ABL2: variants seen among roughly 807,000 people sequenced by gnomAD.
The protein encoded by ABL2 is tyrosine-protein kinase ABL2.
In ABL2, 49 loss-of-function variants were observed where a neutral mutation model predicts 107.7. That is an observed-to-expected ratio of 0.45 (90% CI 0.36 to 0.58). ABL2 has a LOEUF of 0.58. Ranked by LOEUF, ABL2 falls within the 20% of genes least tolerant of loss-of-function variation. The pLI, the probability that ABL2 is intolerant of heterozygous loss-of-function variation, is 0.00. For synonymous variants in ABL2, 549 were observed against 548.6 expected (o/e 1.00, Z -0.01); for missense variants, 1,245 against 1,457.0 (o/e 0.85, Z 2.37).
Position 179,229,252 on chromosome 1 carries a change from A to C in ABL2, c.146T>G (p.Phe49Cys), listed in dbSNP as rs1663409786. 2 of 1,349,830 alleles carry C rather than the reference A, an allele frequency of 1.5e-6. No homozygotes were observed. The highest frequency in any genetic ancestry group is 1.9e-6 in the Non-Finnish European group (2 of 1,027,412). The allele number at this position is 1,349,830 out of a possible 1,614,324, so 83.6% of individuals were successfully genotyped here. Residue 49 changes from phenylalanine (F) to cysteine (C), a missense_variant, in exon 1 of 12, where the codon TTC becomes TGC. By Grantham distance (205) the Phe-to-Cys change is radical. Transcript: ENST00000502732. ...CCAGACACACTCACCATGCTGGGTG[A>C]AGATATTGAAGCCGGTCTCTGTGGT... ...GRTTETGFNIFTQHDHFASCV... is the reference protein window; with the variant it reads ...GRTTETGFNICTQHDHFASCV...
At chr1:179,135,669 T>C (rs1572675638) in intron 1 of ABL2, among the ~76,000 whole-genome samples, 2 of 129,416 alleles carry the variant, frequency 1.5e-5, no homozygotes, top group South Asian at 2.7e-4. Context: ...GCCCCCCGCC[T>C]GGCCAGCCGC....
At chr1:179,115,635 T>C (rs1475960103) in intron 8 of ABL2, among the ~76,000 whole-genome samples, 3 of 152,060 alleles carry the variant, frequency 2.0e-5, no homozygotes, top group Non-Finnish European at 2.9e-5. Flanking sequence ...AAAAAAAGAT[T>C]ATATATCCAG....
chr1:179,101,948 T>C lies in ABL2; in HGVS notation c.*5770A>G, dbSNP rs1446071516. ...AGCAAGTAACAATAACTATTACTAC[T>C]GGCTTGCTGGAAAAAAGAAAAAAAA... On this transcript the variant is annotated 3_prime_UTR_variant, in exon 12 of 12. Transcript: ENST00000502732. 6.2e-6 allele frequency: 1 copy of C among 162,360 alleles called. No individual in the cohort carries two copies. Among genetic ancestry groups the C allele is most frequent in the East Asian group, 1.2e-4 (1 of 8,070 alleles). 10.1% of individuals were successfully genotyped at this position (162,360 alleles called of 1,614,324 possible). A position where few individuals can be genotyped will look rare whatever the true frequency, so the allele number is the denominator to read the frequency against.
chr1:179,166,858 T>C (rs1220180206), intron 1 of ABL2, among the ~76,000 whole-genome samples: 1 of 151,480 alleles, frequency 6.6e-6, no homozygotes, highest in East Asian at 1.9e-4. Context: ...TGAGATATTA[T>C]GTTACCCCAC....
At chr1:179,214,519 C>CATATACATAT (rs1446121890) in intron 1 of ABL2, among the ~76,000 whole-genome samples, 17 of 122,148 alleles carry the variant, frequency 1.4e-4, no homozygotes, top group Middle Eastern at 8.8e-3. Context: ...TTTAAAATGA[C>CATATACATAT]ATATATATAT....
Position 179,101,586 on chromosome 1 carries a change from G to C in ABL2, c.*6132C>G. The C allele has an allele frequency of 5.8e-6, 1 of 173,486 alleles. No homozygotes were observed. The highest frequency in any genetic ancestry group is 1.2e-5 in the Non-Finnish European group (1 of 80,346). 10.7% of individuals were successfully genotyped at this position (173,486 alleles called of 1,614,324 possible). A position where few individuals can be genotyped will look rare whatever the true frequency, so the allele number is the denominator to read the frequency against. Reference sequence around the variant, plus strand: ...GGGTTTCACCATGTTGGCCAGGCTGGTCTCAAACTCCTGACCTCAAGTGAT... The same window carrying C: ...GGGTTTCACCATGTTGGCCAGGCTGCTCTCAAACTCCTGACCTCAAGTGAT... On this transcript the variant is annotated 3_prime_UTR_variant, in exon 12 of 12. Coordinates refer to ENST00000502732, the MANE Select transcript of ABL2 (RefSeq NM_007314.4).
chr1:179,176,478 G>GT (rs2102787261), intron 1 of ABL2, among the ~76,000 whole-genome samples: 1 of 150,204 alleles, frequency 6.7e-6, no homozygotes, highest in Admixed American at 6.6e-5. Context: ...TATACACTAT[G>GT]TACCCACAAA....
intron 10 of ABL2, chr1:179,110,686 G>A: frequency 6.3e-7 from 1 of 1,580,808 alleles, no homozygotes; most frequent in East Asian, 2.2e-5. Flanking sequence ...TGTGTAGCAT[G>A]CCAACGTGTG....
intron 1 of ABL2, among the ~76,000 whole-genome samples, chr1:179,187,178 T>C (rs991525549): frequency 6.6e-6 from 1 of 152,206 alleles, no homozygotes; most frequent in Non-Finnish European, 1.5e-5. Flanking sequence ...TATTAGGAGT[T>C]CTGAGATCCT....
chr1:179,110,749 A>C, intron 10 of ABL2: 1 of 1,613,738 alleles, frequency 6.2e-7, no homozygotes, highest in Non-Finnish European at 8.5e-7. Flanking sequence ...GGTTGTTTCC[A>C]GTTTGGAGTT....
At chr1:179,132,012 T>C (rs1656376865) in intron 2 of ABL2, among the ~76,000 whole-genome samples, 2 of 152,244 alleles carry the variant, frequency 1.3e-5, no homozygotes, top group African/African-American at 2.4e-5. Flanking sequence ...AGGCCCTCTA[T>C]TTAAGTATAG....
At chr1:179,161,866 G>A (rs566748031) in intron 1 of ABL2, among the ~76,000 whole-genome samples, 2 of 152,252 alleles carry the variant, frequency 1.3e-5, no homozygotes. Flanking sequence ...GGACATGACG[G>A]CTCTACCCTC....
At chr1:179,199,693 CAT>C (rs988782956) in intron 1 of ABL2, among the ~76,000 whole-genome samples, 11 of 150,148 alleles carry the variant, frequency 7.3e-5, no homozygotes, top group African/African-American at 9.8e-5. Context: ...AGAATTTTAA[CAT>C]AGATCTATCT....
chr1:179,109,127 G>A lies in ABL2; in HGVS notation c.2140C>T (p.Pro714Ser), dbSNP rs560562174. The change falls in exon 12 of 12, where the codon CCA becomes TCA. Residue 714 changes from proline to serine, a missense_variant. Around this residue, in one of 3 missense-constraint regions of ABL2, gnomAD observed 761 missense variants for 766.4 expected, o/e 0.99. Coordinates refer to ENST00000502732, the MANE Select transcript of ABL2 (RefSeq NM_007314.4). ...AAGCTCCCCCCATAGCACTTGGGTG[G>A]CACCAGATTCGCCTCTTGCTGGGCA... Reference protein sequence around the residue: ...TPAQQEANLVPPKCYGGSFAQ... With the variant: ...TPAQQEANLVSPKCYGGSFAQ... The A allele has an allele frequency of 1.2e-5, 19 of 1,613,334 alleles. No homozygotes were observed. The East Asian group carries it at 3.8e-4, about 32-fold the overall frequency.
intron 1 of ABL2, among the ~76,000 whole-genome samples, chr1:179,228,875 T>C (rs1344465914): frequency 6.6e-6 from 1 of 152,048 alleles, no homozygotes; most frequent in African/African-American, 2.4e-5. Context: ...TAACGACGGG[T>C]TTATGCTCCC....
Position 179,131,369 on chromosome 1 carries a change from G to A in ABL2, c.333C>T (p.Leu111=). The A allele has an allele frequency of 1.2e-6, 2 of 1,614,166 alleles. No individual in the cohort carries two copies. Among genetic ancestry groups the A allele is most frequent in the African/African-American group, 2.7e-5 (2 of 75,052 alleles). ...LLGATESDPN[L]FVALYDFVAS... is the part of the protein sequence containing the mutation. Reference sequence around the variant, plus strand: ...CTACAAAATCATAAAGTGCAACGAAGAGATTAGGGTCACTCTCAGTGGCTC... The same window carrying A: ...CTACAAAATCATAAAGTGCAACGAAAAGATTAGGGTCACTCTCAGTGGCTC... The change falls in exon 3 of 12, where the codon CTC becomes CTT. Residue 111 remains leucine, a synonymous_variant. Transcript: ENST00000502732.
At chr1:179,121,915 ATTTTTTTTTTT>A (rs71108094) in intron 4 of ABL2, 48 bp from the exon 5 acceptor site, 77 of 694,294 alleles carry the variant, frequency 1.1e-4, no homozygotes, top group East Asian at 2.9e-4. Flanking sequence ...GAGATTAAGA[ATTTTTTTTTTT>A]TTTTTTTTTT....
chr1:179,203,277 A>C (rs1661771484), intron 1 of ABL2, among the ~76,000 whole-genome samples: 1 of 152,240 alleles, frequency 6.6e-6, no homozygotes, highest in South Asian at 2.1e-4. Flanking sequence ...TTGCACAAAG[A>C]ATGAAGGTTT....
intron 1 of ABL2, among the ~76,000 whole-genome samples, chr1:179,191,084 G>A (rs893620900): frequency 2.6e-5 from 4 of 152,016 alleles, no homozygotes; most frequent in African/African-American, 4.8e-5. Flanking sequence ...TGAAAACAGC[G>A]GTCCTCTCAA....
Sources: allele counts gnomAD v4.1 joint callset (sites outside exome capture counted in the v4.1 genomes callset), GRCh38; gene constraint gnomAD v4.1.1; regional missense constraint gnomAD v4.1.1; transcripts MANE v1.5; gene names NCBI Gene and HGNC (gene_info 2026-07-23, HGNC 2026-07-21).